FNBP1: variants seen among roughly 807,000 people sequenced by gnomAD.
FNBP1 encodes formin-binding protein 1.
Under a neutral mutation model 90.6 loss-of-function variants are expected in FNBP1, and 26 were observed. That is an observed-to-expected ratio of 0.29 (90% confidence interval 0.21 to 0.40). FNBP1 has a LOEUF of 0.40. FNBP1 is among the 10% of genes least tolerant of loss of function. The pLI is 1.00. For missense variants in FNBP1, 635 were observed against 768.0 expected (o/e 0.83, Z 2.05); for synonymous variants, 260 against 265.2 (o/e 0.98, Z 0.19).
At position 129,890,398 on chromosome 9, in the gene FNBP1, G is replaced by GGA. The variant is rs35785998; in HGVS notation, c.*139_*140dup. On this transcript the variant is annotated 3_prime_UTR_variant, in exon 17 of 17. Coordinates refer to ENST00000446176, the MANE Select transcript of FNBP1 (RefSeq NM_015033.3). This position sits in a 1 kb window ranked among gnomAD's most constrained non-coding sequence, Gnocchi z 5.8. ...AGGGCAGGGCCGCAGGGAGCATGCTGGAGAGAGAGAGAGACCGCCCCGCAG... is the reference window on the plus strand; with the variant it reads ...AGGGCAGGGCCGCAGGGAGCATGCTGGAGAGAGAGAGAGAGACCGCCCCGCAG... The GGA allele has an allele frequency of 0.71, 395,819 of 557,472 alleles. 127,730 individuals are homozygous for GGA. The highest frequency in any genetic ancestry group is 0.81 in the East Asian group (22,720 of 28,188). 34.5% of individuals were successfully genotyped at this position (557,472 alleles called of 1,614,324 possible).
In FNBP1 at chr9:129,924,017, G is replaced by C. The variant is rs914268970; in HGVS notation, c.997C>G (p.Leu333Val). Residue 333 changes from leucine (L) to valine (V), a missense_variant, in exon 10 of 17, where the codon CTT becomes GTT. Physicochemically the swap from Leu to Val is conservative, Grantham distance 32. Transcript: ENST00000446176. The stretch of plus-strand genomic sequence containing the variant: ...GGAGGCTGATGGGGGGATGTTAAAA[G>C]GGACATAAGCTACATGTAAGAGATG... ...PFIKKNKLMS[L>V]LTSPHQPPPP... 7.9e-6 allele frequency: 12 copies of C among 1,515,926 alleles called. No individual in the cohort carries two copies. The highest frequency in any genetic ancestry group is 3.5e-4 in the Middle Eastern group (2 of 5,770). 93.9% of individuals were successfully genotyped at this position (1,515,926 alleles called of 1,614,324 possible).
At position 130,027,216 on chromosome 9, in the gene FNBP1, G is replaced by A. The variant is rs75265294; in HGVS notation, c.24+15736C>T. 5.8e-4 allele frequency among the ~76,000 whole-genome samples: 88 copies of A among 152,238 alleles called. 1 individual carries two copies. The East Asian group carries it at 0.015, about 25-fold the overall frequency. Reference sequence around the variant, plus strand: ...ATGACAGAATCACCATATTCAAAGTGTATGATCATGTGACAAGAACCTTAG... The same window carrying A: ...ATGACAGAATCACCATATTCAAAGTATATGATCATGTGACAAGAACCTTAG... On this transcript the variant is annotated intron_variant, in intron 1 of 16. Transcript: ENST00000446176.
chr9:129,889,703 G>C lies in FNBP1; in HGVS notation c.*836C>G, dbSNP rs1041863700. 3.9e-5 allele frequency: 9 copies of C among 231,360 alleles called. No homozygotes were observed. The highest frequency in any genetic ancestry group is 2.0e-4 in the African/African-American group (9 of 45,178). 14.3% of individuals were successfully genotyped at this position (231,360 alleles called of 1,614,324 possible). On this transcript the variant is annotated 3_prime_UTR_variant, in exon 17 of 17. Transcript: ENST00000446176. ...AGAGGGGAGGGCCTCGCTCACAAGC[G>C]CATGATCTACAGTTCTCAGGGACAG...
chr9:130,013,863 G>C (rs543776928), intron 1 of FNBP1: 20 of 433,676 alleles, frequency 4.6e-5, no homozygotes, highest in Non-Finnish European at 8.8e-5. Flanking sequence ...ATGCCCTCTT[G>C]CTCTCTTGCC....
At chr9:130,006,585 G>A (rs1383449605) in intron 1 of FNBP1, among the ~76,000 whole-genome samples, 6 of 152,040 alleles carry the variant, frequency 3.9e-5, no homozygotes, top group Middle Eastern at 3.4e-3. Context: ...CAGGAGAATC[G>A]CTTGACCCCA....
chr9:129,986,230 CAT>C (rs1264989288), intron 2 of FNBP1, among the ~76,000 whole-genome samples: 1 of 151,866 alleles, frequency 6.6e-6, no homozygotes, highest in African/African-American at 2.4e-5. Context: ...TGCAAGAAAA[CAT>C]ATAAGGAAAA....
chr9:129,894,361 A>G (rs1382489249), intron 16 of FNBP1, among the ~76,000 whole-genome samples: 1 of 152,184 alleles, frequency 6.6e-6, no homozygotes, highest in Non-Finnish European at 1.5e-5. Flanking sequence ...CATGTGGCCT[A>G]GATTCCTTTC....
intron 10 of FNBP1, chr9:129,918,934 C>T (rs2040676670): frequency 5.5e-6 from 1 of 183,200 alleles, no homozygotes; most frequent in African/African-American, 2.4e-5. Flanking sequence ...AAGTTTGCTT[C>T]CTTTATTCAT....
At chr9:129,896,393 G>T (rs1430375035) in intron 15 of FNBP1, among the ~76,000 whole-genome samples, 1 of 152,000 alleles carries the variant, frequency 6.6e-6, no homozygotes, top group Non-Finnish European at 1.5e-5. Flanking sequence ...TTTTTGGGGG[G>T]GTTGTGGGGG....
chr9:129,970,846 C>T (rs931580751), intron 4 of FNBP1, among the ~76,000 whole-genome samples: 1 of 152,054 alleles, frequency 6.6e-6, no homozygotes, highest in African/African-American at 2.4e-5. Flanking sequence ...TAAGTTCTTG[C>T]AGGGGAGAAA....
rs527737916 is a variant in FNBP1 at position 129,973,385 on chromosome 9, A to C, written c.345+5080T>G. 2.0e-5 allele frequency among the ~76,000 whole-genome samples: 3 copies of C among 152,370 alleles called. No homozygotes were observed. The South Asian group carries it at 6.2e-4, about 32-fold the overall frequency. On this transcript the variant is annotated intron_variant, in intron 4 of 16. Coordinates refer to ENST00000446176, the MANE Select transcript of FNBP1 (RefSeq NM_015033.3). ...TTAAGAATCATCCTTACAATAAAAT[A>C]GTGTTTACTAAGTCAAGTCAGGGTA... is the stretch of plus-strand genomic sequence containing the variant.
intron 2 of FNBP1, among the ~76,000 whole-genome samples, chr9:129,991,360 G>A (rs890812070): frequency 3.3e-5 from 5 of 150,996 alleles, no homozygotes; most frequent in Non-Finnish European, 7.4e-5. Flanking sequence ...CAGCCCCAGC[G>A]TCTTGGGCTC....
intron 2 of FNBP1, among the ~76,000 whole-genome samples, chr9:129,983,249 T>C (rs1174929116): frequency 6.6e-6 from 1 of 152,178 alleles, no homozygotes; most frequent in Non-Finnish European, 1.5e-5. Flanking sequence ...ATTAGATCCC[T>C]TGTAGGTGAT....
At chr9:130,049,074 C>T in the FNBP1 span, among the ~76,000 whole-genome samples, 1 of 152,024 alleles carries the variant, frequency 6.6e-6, no homozygotes, top group Admixed American at 6.6e-5. Flanking sequence ...CCACCACTCC[C>T]GGCCAGTTTC....
At chr9:129,926,608 CG>C (rs1365998784) in intron 8 of FNBP1, among the ~76,000 whole-genome samples, 1 of 151,992 alleles carries the variant, frequency 6.6e-6, no homozygotes, top group East Asian at 1.9e-4. Context: ...CTGTTTTGGC[CG>C]GGTGCAGTGG....
At position 129,909,013 on chromosome 9, in the gene FNBP1, TATAA is replaced by T; in HGVS notation, c.1186-18_1186-15del. The stretch of plus-strand genomic sequence containing the variant: ...CGGTGTTGCACCCTGCAGACACAAA[TATAA>T]ATGAGAAACCAGAAAGCCCCAGGCT... On this transcript the variant is annotated splice_polypyrimidine_tract_variant and intron_variant, in intron 11 of 16. Transcript: ENST00000446176. 6.3e-7 allele frequency: 1 copy of T among 1,578,810 alleles called. No individual in the cohort carries two copies. The highest frequency in any genetic ancestry group is 8.7e-7 in the Non-Finnish European group (1 of 1,148,366).
At chr9:129,972,980 C>T (rs1036276322) in intron 4 of FNBP1, among the ~76,000 whole-genome samples, 2 of 152,142 alleles carry the variant, frequency 1.3e-5, no homozygotes, top group Non-Finnish European at 2.9e-5. Flanking sequence ...CATAATTGTC[C>T]CCACAACTTC....
chr9:130,044,873 G>A (rs1333719892), upstream of FNBP1: 3 of 152,216 alleles, frequency 2.0e-5, no homozygotes, highest in Non-Finnish European at 2.9e-5. Flanking sequence ...GGAGGCAGAA[G>A]TTGGAGTGAG....
upstream of FNBP1, among the ~76,000 whole-genome samples, chr9:130,047,731 G>A (rs2060068602): frequency 6.6e-6 from 1 of 151,966 alleles, no homozygotes. Flanking sequence ...TATTAGCAAC[G>A]AAATAAGGTA....
Sources: gnomAD v4.1 joint callset for allele counts (sites outside exome capture counted in the v4.1 genomes callset) on GRCh38, gnomAD v4.1.1 for gene constraint, Gnocchi (gnomAD v3.1) non-coding constraint, MANE v1.5 for transcripts, NCBI Gene and HGNC (gene_info 2026-07-23, HGNC 2026-07-21) for gene names.